Variants in C3orf22 observed in about 807,000 individuals in gnomAD.
The protein encoded by C3orf22 is chromosome 3 open reading frame 22, also known as uncharacterized protein C3orf22.
C3orf22 carries 7 observed loss-of-function variants against 10.8 expected under a neutral mutation model. The ratio of observed to expected loss-of-function variants is 0.65; its 90% CI spans 0.37 to 1.22. C3orf22 has a LOEUF of 1.22. Ranked by LOEUF, C3orf22 falls within the 50% of genes most tolerant of loss-of-function variation. The pLI is 0.02. For synonymous variants in C3orf22, 79 were observed against 78.9 expected, an observed-to-expected ratio of 1.00 and a Z score of 0.00; for missense variants, 173 against 177.0, an observed-to-expected ratio of 0.98 and a Z score of 0.13.
chr3:126,551,339 T>G (rs565951064), intron 3 of C3orf22, among the ~76,000 whole-genome samples: 1 of 152,316 alleles, frequency 6.6e-6, no homozygotes, highest in East Asian at 1.9e-4. Context: ...CCTGCACCGC[T>G]GGTGGAGGAA....
At chr3:126,547,953 A>G (rs146108660), downstream of C3orf22, among the ~76,000 whole-genome samples, 1 of 152,214 alleles carries the variant, frequency 6.6e-6, no homozygotes, top group Non-Finnish European at 1.5e-5. Flanking sequence ...TCATCACATG[A>G]CTCTTAGCAA....
At chr3:126,543,889 C>T (rs1372309871) in intron 4 of C3orf22, among the ~76,000 whole-genome samples, 1 of 152,152 alleles carries the variant, frequency 6.6e-6, no homozygotes, top group East Asian at 1.9e-4. Context: ...GCTGCAGCTG[C>T]CACTGGTTTC....
intron 4 of C3orf22, chr3:126,543,431 C>A (rs1335314768): frequency 6.6e-6 from 1 of 152,272 alleles, no homozygotes; most frequent in African/African-American, 2.4e-5. Context: ...GCCCACAGAG[C>A]CTGGGTACCT....
rs767505869 is a variant in C3orf22 at position 126,549,748 on chromosome 3, C to T, written c.*120G>A. On this transcript the variant is annotated 3_prime_UTR_variant, in exon 4 of 4. Transcript: ENST00000318225. ...TGTAGCTTTTTGGGGGGACCACAAA[C>T]CACTCCCGGTCTATGATGGCCATGA... 2.1e-4 allele frequency: 318 copies of T among 1,508,510 alleles called. No homozygotes were observed. Among genetic ancestry groups the T allele is most frequent in the Non-Finnish European group, 2.7e-4 (308 of 1,129,022 alleles). 93.4% of individuals were successfully genotyped at this position (1,508,510 alleles called of 1,614,324 possible). A position where few individuals can be genotyped will look rare whatever the true frequency, so the allele number is the denominator to read the frequency against.
At chr3:126,558,092 G>A (rs1937395071) in intron 1 of C3orf22, among the ~76,000 whole-genome samples, 4 of 152,364 alleles carry the variant, frequency 2.6e-5, no homozygotes, top group Admixed American at 2.6e-4. Context: ...AGGCAGCAGG[G>A]CCACAGCAGG....
intron 4 of C3orf22, among the ~76,000 whole-genome samples, chr3:126,532,055 T>C (rs1602367): frequency 1 from 151,995 of 152,320 alleles, 75,838 homozygotes; most frequent in Middle Eastern, 1. Flanking sequence ...TGCTTATTGC[T>C]GTAGGTATAT....
At chr3:126,542,180 C>T in intron 4 of C3orf22, 1 of 1,450,100 alleles carries the variant, frequency 6.9e-7, no homozygotes, top group Non-Finnish European at 9.0e-7. Flanking sequence ...GCGCCTGCGG[C>T]CGCGCGCGCT....
At chr3:126,540,842 C>A (rs1936942850) in intron 4 of C3orf22, among the ~76,000 whole-genome samples, 1 of 152,252 alleles carries the variant, frequency 6.6e-6, no homozygotes, top group Non-Finnish European at 1.5e-5. Context: ...CGTGAAAGCT[C>A]CAGTTTCTCC....
chr3:126,550,429 C>T (rs1260660707), intron 3 of C3orf22, among the ~76,000 whole-genome samples: 3 of 152,140 alleles, frequency 2.0e-5, no homozygotes, highest in Non-Finnish European at 2.9e-5. Context: ...TAGCACCTGC[C>T]GGAGGCATAC....
intron 4 of C3orf22, among the ~76,000 whole-genome samples, chr3:126,535,467 C>T (rs1375331906): frequency 1.8e-4 from 28 of 151,762 alleles, no homozygotes; most frequent in African/African-American, 6.3e-4. Flanking sequence ...GACAGACAGA[C>T]AGTATCGCTG....
rs1937137296 is a variant in C3orf22 at position 126,549,763 on chromosome 3, G to A, written c.*105C>T. On this transcript the variant is annotated 3_prime_UTR_variant, in exon 4 of 4. Transcript: ENST00000318225. ...GGACCACAAACCACTCCCGGTCTAT[G>A]ATGGCCATGAAGGCTGATCCCTTTA... 2 of 1,510,878 alleles carry A rather than the reference G, an allele frequency of 1.3e-6. No homozygotes were observed. The highest frequency in any genetic ancestry group is 4.9e-5 in the East Asian group (2 of 40,942). 93.6% of individuals were successfully genotyped at this position (1,510,878 alleles called of 1,614,324 possible).
At chr3:126,540,452 T>C (rs1936934772) in intron 4 of C3orf22, among the ~76,000 whole-genome samples, 1 of 152,220 alleles carries the variant, frequency 6.6e-6, no homozygotes, top group African/African-American at 2.4e-5. Flanking sequence ...TGGATGTGAC[T>C]GCTCTAGGGA....
At position 126,549,882 on chromosome 3, in the gene C3orf22, T is replaced by TG; in HGVS notation, c.411dup (p.Arg138GlnfsTer?). 6.2e-7 allele frequency: 1 copy of TG among 1,613,106 alleles called. No individual in the cohort carries two copies. The highest frequency in any genetic ancestry group is 1.1e-5 in the South Asian group (1 of 90,956). ...GAGCCCAGTCTCTAGGAGAGGCCCCTGGACAGCCCTGCCGCCTTGCTGGTC... is the reference window on the plus strand; with the variant it reads ...GAGCCCAGTCTCTAGGAGAGGCCCCTGGGACAGCCCTGCCGCCTTGCTGGTC... On this transcript the variant is annotated frameshift_variant, in exon 4 of 4. Coordinates refer to ENST00000318225, the MANE Select transcript of C3orf22 (RefSeq NM_152533.3). LOFTEE classifies it high-confidence loss of function.
At chr3:126,548,384 G>A (rs1300494157), downstream of C3orf22, among the ~76,000 whole-genome samples, 1 of 152,238 alleles carries the variant, frequency 6.6e-6, no homozygotes, top group East Asian at 1.9e-4. Context: ...AGTGGGGGAA[G>A]GAGCACCCAG....
At chr3:126,542,581 G>T (rs769105010) in intron 4 of C3orf22, 15 of 1,468,078 alleles carry the variant, frequency 1.0e-5, no homozygotes, top group African/African-American at 1.5e-5. Flanking sequence ...TGCTCTAGCG[G>T]TCCTGGAGGT....
intron 4 of C3orf22, among the ~76,000 whole-genome samples, chr3:126,538,870 G>C (rs752548595): frequency 1.4e-4 from 21 of 152,280 alleles, no homozygotes; most frequent in Admixed American, 3.9e-4. Context: ...AAAATGGTGA[G>C]ATTTTAAAAA....
At chr3:126,548,042 A>G (rs1391618539), downstream of C3orf22, among the ~76,000 whole-genome samples, 1 of 152,210 alleles carries the variant, frequency 6.6e-6, no homozygotes. Flanking sequence ...TGTTATTTCA[A>G]GGAGTGCAGT....
intron 1 of C3orf22, among the ~76,000 whole-genome samples, chr3:126,554,428 T>A (rs1249958232): frequency 6.6e-6 from 1 of 151,996 alleles, no homozygotes; most frequent in African/African-American, 2.4e-5. Context: ...CACGCCTGGC[T>A]AATTTTTGTA....
intron 1 of C3orf22, among the ~76,000 whole-genome samples, chr3:126,556,478 C>G (rs1431409180): frequency 6.6e-6 from 1 of 152,028 alleles, no homozygotes; most frequent in African/African-American, 2.4e-5. Context: ...CTGGGTGCAG[C>G]TCCCAAGTGC....
Sources: gnomAD v4.1 joint callset for allele counts (sites outside exome capture counted in the v4.1 genomes callset) on GRCh38, gnomAD v4.1.1 for gene constraint, MANE v1.5 for transcripts, NCBI Gene and HGNC (gene_info 2026-07-23, HGNC 2026-07-21) for gene names.